RBL1: variants seen among roughly 807,000 people sequenced by gnomAD.
RBL1 encodes the protein RB transcriptional corepressor like 1.
RBL1 carries 82 observed loss-of-function variants against 123.0 expected under a neutral mutation model. That is an observed-to-expected ratio of 0.67 (90% CI 0.56 to 0.80). RBL1 has a LOEUF of 0.80. Ranked by LOEUF, RBL1 falls within the 30% of genes least tolerant of loss-of-function variation. The pLI is 0.00. For missense variants in RBL1, 1,171 were observed against 1,299.6 expected (o/e 0.90, Z 1.52); for synonymous variants, 405 against 441.3 (o/e 0.92, Z 1.03).
chr20:37,022,637 A>G lies in RBL1; in HGVS notation c.2559+13T>C. 1.3e-6 allele frequency: 2 copies of G among 1,592,646 alleles called. No individual in the cohort carries two copies. The highest frequency in any genetic ancestry group is 1.1e-5 in the South Asian group (1 of 88,306). ...CCACCATGCCCAGCCTCTTCTCCCA[A>G]TTTATACATTACCTTTGCCATGATA... On this transcript the variant is annotated intron_variant, in intron 17 of 21. Transcript: ENST00000373664.
In RBL1 at chr20:37,066,830, C is replaced by T; in HGVS notation, c.740G>A (p.Cys247Tyr). The T allele has an allele frequency of 4.3e-6, 7 of 1,613,330 alleles. No homozygotes were observed. Among genetic ancestry groups the T allele is most frequent in the Non-Finnish European group, 5.9e-6 (7 of 1,179,596 alleles). ...ADFTASEEPP[C>Y]IIAVLCELHD... is the part of the protein sequence containing the mutation. ...CAGTTCACACAGTACAGCAATGATG[C>T]AGGGTGGCTCTTCAGAAGCCGTAAA... The change falls in exon 6 of 22, where the codon TGC (cysteine) becomes TAC (tyrosine). Residue 247 changes from cysteine (C) to tyrosine (Y), a missense_variant. By Grantham distance (194) the Cys-to-Tyr change is radical. Coordinates refer to ENST00000373664, the MANE Select transcript of RBL1 (RefSeq NM_002895.5).
chr20:37,000,610 G>C (rs1448253720), intron 21 of RBL1, among the ~76,000 whole-genome samples: 3 of 123,348 alleles, frequency 2.4e-5, no homozygotes, highest in Admixed American at 8.2e-5. Context: ...GTCAGCCCCG[G>C]GCCCGGCCAG....
chr20:37,003,616 G>A, intron 21 of RBL1, 86 bp downstream of exon 21: 2 of 1,451,288 alleles, frequency 1.4e-6, no homozygotes, highest in Non-Finnish European at 1.8e-6. Flanking sequence ...TAGTAACTTG[G>A]CCAAAAAAGA....
At chr20:37,044,383 G>A in intron 12 of RBL1, 133 bp from the exon 13 acceptor site, 1 of 845,198 alleles carries the variant, frequency 1.2e-6, no homozygotes, top group Non-Finnish European at 1.8e-6. Flanking sequence ...TGTTGCCCAG[G>A]CTGGAGTACA....
At chr20:37,012,422 C>T (rs1177462185) in intron 19 of RBL1, among the ~76,000 whole-genome samples, 2 of 151,218 alleles carry the variant, frequency 1.3e-5, no homozygotes, top group Admixed American at 6.6e-5. Flanking sequence ...AAGTGAGGAG[C>T]GCCTCTTCCC....
intron 19 of RBL1, among the ~76,000 whole-genome samples, chr20:37,014,845 C>T (rs1346106192): frequency 1.3e-5 from 2 of 151,958 alleles, no homozygotes; most frequent in Non-Finnish European, 2.9e-5. Flanking sequence ...GGTGGAATAC[C>T]TGAGATCAGG....
At chr20:37,005,681 G>C (rs1306220155) in intron 20 of RBL1, among the ~76,000 whole-genome samples, 2 of 152,104 alleles carry the variant, frequency 1.3e-5, no homozygotes, top group Non-Finnish European at 2.9e-5. Flanking sequence ...AATAAATTAA[G>C]ATGGTAGAGA....
intron 12 of RBL1, among the ~76,000 whole-genome samples, chr20:37,045,380 A>G (rs1300884813): frequency 1.3e-5 from 2 of 151,788 alleles, no homozygotes; most frequent in Non-Finnish European, 2.9e-5. Flanking sequence ...TGCTGGGATT[A>G]TAGGCATGAG....
intron 11 of RBL1, among the ~76,000 whole-genome samples, chr20:37,049,887 AC>A (rs1340777642): frequency 6.6e-6 from 1 of 151,854 alleles, no homozygotes; most frequent in African/African-American, 2.4e-5. Flanking sequence ...ACATGGAGAA[AC>A]CCCGTCTCTA....
chr20:37,021,041 C>A (rs933167812), intron 17 of RBL1, among the ~76,000 whole-genome samples: 1 of 152,160 alleles, frequency 6.6e-6, no homozygotes, highest in African/African-American at 2.4e-5. Flanking sequence ...GTTTAATTCC[C>A]TGCAGTCTCC....
chr20:37,012,462 C>T (rs1338620440), intron 19 of RBL1, among the ~76,000 whole-genome samples: 8 of 151,728 alleles, frequency 5.3e-5, no homozygotes, highest in African/African-American at 1.9e-4. Context: ...AAGTGAGGAG[C>T]GTCTCTGCCC....
At chr20:37,006,948 G>A (rs1176877554) in intron 20 of RBL1, among the ~76,000 whole-genome samples, 2 of 151,856 alleles carry the variant, frequency 1.3e-5, no homozygotes, top group African/African-American at 4.8e-5. Context: ...ACATAATCAT[G>A]GTATAGATAA....
At chr20:37,023,651 T>C (rs2064377667) in intron 16 of RBL1, among the ~76,000 whole-genome samples, 1 of 152,214 alleles carries the variant, frequency 6.6e-6, no homozygotes, top group Non-Finnish European at 1.5e-5. Context: ...TTGTTGTTTT[T>C]TTTAAAGCCT....
At position 37,062,265 on chromosome 20, in the gene RBL1, G is replaced by A; in HGVS notation, c.902C>T (p.Ala301Val). Residue 301 changes from alanine to valine, a missense_variant, in exon 8 of 22, where the codon GCA becomes GTA. Physicochemically the swap from Ala to Val is moderately conservative, Grantham distance 64 (BLOSUM62 0). Coordinates refer to ENST00000373664, the MANE Select transcript of RBL1 (RefSeq NM_002895.5). Reference sequence around the variant, plus strand: ...ATACTCTTCATACTCCTTATTCACTGCTTTGCTGCAAAGAGAATTATTATA... The same window carrying A: ...ATACTCTTCATACTCCTTATTCACTACTTTGCTGCAAAGAGAATTATTATA... Reference protein sequence around the residue: ...DLSSFTDNSKAVNKEYEEYVL... With the variant: ...DLSSFTDNSKVVNKEYEEYVL... 6.2e-7 allele frequency: 1 copy of A among 1,613,186 alleles called. No homozygotes were observed. Among genetic ancestry groups the A allele is most frequent in the Non-Finnish European group, 8.5e-7 (1 of 1,179,576 alleles).
At chr20:37,025,683 C>T (rs970768876) in intron 16 of RBL1, among the ~76,000 whole-genome samples, 1 of 151,436 alleles carries the variant, frequency 6.6e-6, no homozygotes, top group African/African-American at 2.4e-5. Flanking sequence ...GGGAAGCAGT[C>T]ATCATGGACT....
intron 2 of RBL1, among the ~76,000 whole-genome samples, chr20:37,084,393 T>G (rs1231596204): frequency 1.3e-5 from 2 of 151,948 alleles, no homozygotes; most frequent in African/African-American, 4.8e-5. Flanking sequence ...ATTAAAAAAA[T>G]TAATGAGGTA....
At chr20:37,054,998 C>T (rs375172811) in intron 11 of RBL1, among the ~76,000 whole-genome samples, 3 of 152,074 alleles carry the variant, frequency 2.0e-5, no homozygotes, top group East Asian at 1.9e-4. Context: ...ACAATAGTTA[C>T]GCAGCATCCT....
chr20:37,042,928 C>T (rs2064755482), intron 13 of RBL1, among the ~76,000 whole-genome samples: 1 of 115,416 alleles, frequency 8.7e-6, no homozygotes, highest in South Asian at 3.0e-4. Flanking sequence ...AAAAAAAAGT[C>T]AAAAGGTGGA....
In RBL1 at chr20:36,998,838, G is replaced by T. The variant is rs368384666; in HGVS notation, c.3128C>A (p.Ala1043Asp). The T allele has an allele frequency of 1.2e-5, 19 of 1,613,152 alleles. No homozygotes were observed. In the African/African-American group the frequency reaches 2.4e-4, roughly 20 times the overall value. Residue 1043 changes from alanine (A) to aspartate (D), a missense_variant, in exon 22 of 22, where the codon GCC becomes GAC. Transcript: ENST00000373664. ...IAIDSDAESP[A>D]KRVCQENDDV... ...ATCATTTTCTTGACAGACGCGTTTG[G>T]CAGGGGATTCTGCATCACTATCGAT...
Sources: allele counts gnomAD v4.1 joint callset (sites outside exome capture counted in the v4.1 genomes callset), GRCh38; gene constraint gnomAD v4.1.1; transcripts MANE v1.5; gene names NCBI Gene and HGNC (gene_info 2026-07-23, HGNC 2026-07-21).